The following ROBO2 variants were observed in gnomAD, a reference collection of about 807,000 sequenced individuals.
The protein encoded by ROBO2 is roundabout homolog 2.
In ROBO2, 53 loss-of-function variants were observed where a neutral mutation model predicts 160.8. The ratio of observed to expected loss-of-function variants is 0.33; its 90% CI spans 0.26 to 0.41. The LOEUF is 0.41. ROBO2 is among the 10% of genes least tolerant of loss of function. The pLI is 1.00. For missense variants in ROBO2, 1,577 were observed against 1,722.4 expected, an observed-to-expected ratio of 0.92 and a Z score of 1.49; for synonymous variants, 664 against 611.7, an observed-to-expected ratio of 1.09 and a Z score of -1.26.
intron 2 of ROBO2, among the ~76,000 whole-genome samples, chr3:76,044,471 T>C (rs1308321618): frequency 6.6e-6 from 1 of 152,106 alleles, no homozygotes; most frequent in Non-Finnish European, 1.5e-5. Flanking sequence ...GTTATTATTG[T>C]AAAGATTTCT....
At chr3:76,478,524 A>T (rs963639520) in intron 2 of ROBO2, among the ~76,000 whole-genome samples, 4 of 151,984 alleles carry the variant, frequency 2.6e-5, no homozygotes, top group African/African-American at 4.8e-5. Context: ...CCTTACACAA[A>T]AATTAATTCA....
chr3:76,144,688 A>T (rs1377694257), intron 2 of ROBO2, among the ~76,000 whole-genome samples: 1 of 152,090 alleles, frequency 6.6e-6, no homozygotes, highest in East Asian at 1.9e-4. Flanking sequence ...TTCACAGTTC[A>T]GCTACCCCAA....
chr3:76,192,224 CGATTGG>C, intron 2 of ROBO2, among the ~76,000 whole-genome samples: 2 of 151,046 alleles, frequency 1.3e-5, no homozygotes, highest in African/African-American at 4.8e-5. Flanking sequence ...ACCTGACCTT[CGATTGG>C]CTTACAAATC....
At chr3:76,565,904 G>C (rs2084487740) in intron 2 of ROBO2, among the ~76,000 whole-genome samples, 1 of 152,104 alleles carries the variant, frequency 6.6e-6, no homozygotes, top group South Asian at 2.1e-4. Context: ...TCAGGTCATA[G>C]TAAAATGAAT....
At chr3:77,473,681 C>G (rs188909214) in intron 2 of ROBO2, among the ~76,000 whole-genome samples, 134 of 152,060 alleles carry the variant, frequency 8.8e-4, no homozygotes, top group Admixed American at 8.4e-3. Flanking sequence ...TGGTCTCGGT[C>G]TCCTGACCTC....
intron 5 of ROBO2, 22 bp from the exon 6 acceptor site, chr3:77,522,753 A>T: frequency 6.2e-7 from 1 of 1,604,934 alleles, no homozygotes; most frequent in Non-Finnish European, 8.5e-7. Context: ...TATTTAATAA[A>T]ACCAGTTCAT....
At chr3:76,544,085 T>C (rs1188928418) in intron 2 of ROBO2, among the ~76,000 whole-genome samples, 1 of 152,070 alleles carries the variant, frequency 6.6e-6, no homozygotes, top group Admixed American at 6.6e-5. Context: ...ACAATAGCCT[T>C]TCACCCATCT....
At chr3:77,577,995 G>GA (rs1418106463) in intron 15 of ROBO2, among the ~76,000 whole-genome samples, 3 of 151,976 alleles carry the variant, frequency 2.0e-5, no homozygotes, top group Non-Finnish European at 4.4e-5. Context: ...CACGTTCTCA[G>GA]AAAAAAAGAT....
At chr3:76,286,247 GT>G (rs1708499392) in intron 2 of ROBO2, among the ~76,000 whole-genome samples, 1 of 152,158 alleles carries the variant, frequency 6.6e-6, no homozygotes, top group African/African-American at 2.4e-5. Flanking sequence ...CAAAGTAGAT[GT>G]TTTTGCTTGG....
chr3:77,532,337 A>G (rs998377750), intron 6 of ROBO2, among the ~76,000 whole-genome samples: 2 of 152,056 alleles, frequency 1.3e-5, no homozygotes, highest in Non-Finnish European at 2.9e-5. Context: ...TTCTTTTACC[A>G]TATGAATATG....
intron 2 of ROBO2, among the ~76,000 whole-genome samples, chr3:76,552,592 AAAC>A (rs1168575037): frequency 1.3e-5 from 2 of 152,248 alleles, no homozygotes; most frequent in African/African-American, 4.8e-5. Context: ...GATATTCAAA[AAAC>A]AATAAACCTT....
chr3:76,978,996 G>A (rs1056090256), intron 2 of ROBO2, among the ~76,000 whole-genome samples: 9 of 151,188 alleles, frequency 6.0e-5, no homozygotes, highest in Admixed American at 5.9e-4. Context: ...AAGCTGGAGT[G>A]CAATGGCACA....
chr3:75,924,083 A>G (rs2106860851), intron 1 of ROBO2, among the ~76,000 whole-genome samples: 2 of 152,324 alleles, frequency 1.3e-5, no homozygotes, highest in East Asian at 3.9e-4. Flanking sequence ...TCCTTGCCAT[A>G]GGTAATGCAT....
chr3:76,203,846 G>T lies in ROBO2; in HGVS notation c.109+266244G>T, dbSNP rs185486804. Among the ~76,000 whole-genome samples the T allele has an allele frequency of 4.6e-5, 7 of 152,138 alleles. No individual in the cohort carries two copies. The East Asian group carries it at 1.2e-3, about 25-fold the overall frequency. On this transcript the variant is annotated intron_variant, in intron 2 of 26. Coordinates refer to the ROBO2 transcript ENST00000487694. ...GATTGCCTCAGGCTATCGGCTTCCC[G>T]GTCAACAGATGACAGGTCATGGTTC...
At chr3:75,939,440 C>A (rs1947940485) in intron 2 of ROBO2, among the ~76,000 whole-genome samples, 1 of 152,138 alleles carries the variant, frequency 6.6e-6, no homozygotes, top group Non-Finnish European at 1.5e-5. Flanking sequence ...TGGGGACCAT[C>A]ATTTATTAAA....
chr3:76,947,376 T>G (rs1179801375), intron 2 of ROBO2, among the ~76,000 whole-genome samples: 1 of 152,170 alleles, frequency 6.6e-6, no homozygotes, highest in Non-Finnish European at 1.5e-5. Flanking sequence ...AAGGTTTTCC[T>G]TTACATTGCA....
At chr3:77,325,749 T>C (rs2065311893) in intron 2 of ROBO2, among the ~76,000 whole-genome samples, 1 of 152,202 alleles carries the variant, frequency 6.6e-6, no homozygotes, top group African/African-American at 2.4e-5. Context: ...ACTGTAACTA[T>C]CTATTAGGCA....
At chr3:76,560,933 G>GATATAT (rs10581875) in intron 2 of ROBO2, among the ~76,000 whole-genome samples, 1,483 of 127,868 alleles carry the variant, frequency 0.012, 13 homozygotes, top group Non-Finnish European at 0.014. Flanking sequence ...TAAGAAGTAA[G>GATATAT]ATATATATAT....
intron 2 of ROBO2, among the ~76,000 whole-genome samples, chr3:77,005,324 C>T (rs1162939466): frequency 2.0e-5 from 3 of 152,162 alleles, no homozygotes; most frequent in African/African-American, 7.2e-5. Context: ...GAGCACCAAG[C>T]ACAGTTTTTG....
Sources: gnomAD v4.1 joint callset for allele counts (sites outside exome capture counted in the v4.1 genomes callset) on GRCh38, gnomAD v4.1.1 for gene constraint, MANE v1.5 for transcripts, NCBI Gene and HGNC (gene_info 2026-07-23, HGNC 2026-07-21) for gene names.